Variants in TEKTIP1 observed in about 807,000 individuals in gnomAD.
TEKTIP1 encodes tektin bundle-interacting protein 1.
the TEKTIP1 span, chr19:3,539,392 C>T: frequency 1.4e-5 from 9 of 624,412 alleles, no homozygotes; most frequent in African/African-American, 7.3e-5. Context: ...ATGTGTGTGA[C>T]GTCCCCTCCA....
the TEKTIP1 span, chr19:3,541,840 G>C: frequency 4.2e-5 from 41 of 965,068 alleles, no homozygotes; most frequent in African/African-American, 6.9e-4. Flanking sequence ...ACAGAGTCTC[G>C]CTCTCTCACC....
At chr19:3,540,718 A>G in the TEKTIP1 span, among the ~76,000 whole-genome samples, 4 of 151,376 alleles carry the variant, frequency 2.6e-5, no homozygotes, top group African/African-American at 7.3e-5. Context: ...CGTCTCTACT[A>G]AAAATACAAA....
At chr19:3,542,311 G>A in the TEKTIP1 span, 4 of 985,404 alleles carry the variant, frequency 4.1e-6, no homozygotes, top group Non-Finnish European at 4.8e-6. Flanking sequence ...GATTTAAGCA[G>A]AGTTCCTGCC....
chr19:3,543,481 C>A, the TEKTIP1 span: 2 of 404,688 alleles, frequency 4.9e-6, no homozygotes, highest in Non-Finnish European at 3.3e-6. Context: ...CGGGTGAGTG[C>A]CCCCCCCCCC....
the TEKTIP1 span, chr19:3,543,839 G>A: frequency 1.3e-6 from 2 of 1,534,816 alleles, no homozygotes; most frequent in Non-Finnish European, 1.8e-6. Flanking sequence ...TGCTCAACAG[G>A]AACCGGTACG....
chr19:3,543,416 G>A, the TEKTIP1 span: 71 of 1,547,598 alleles, frequency 4.6e-5, no homozygotes, highest in Admixed American at 2.2e-4. Context: ...CCCCTTCCGC[G>A]AGGCCTACAA....
the TEKTIP1 span, chr19:3,541,667 G>A: frequency 3.0e-6 from 3 of 985,160 alleles, no homozygotes; most frequent in African/African-American, 5.2e-5. Flanking sequence ...GCAGTGAATG[G>A]GCTCCCGCAA....
the TEKTIP1 span, chr19:3,543,153 A>C: frequency 8.6e-6 from 13 of 1,514,438 alleles, no homozygotes; most frequent in Non-Finnish European, 1.1e-5. Context: ...CCTCTACATC[A>C]TCCACCCTGG....
the TEKTIP1 span, chr19:3,539,264 A>T: frequency 6.5e-7 from 1 of 1,542,230 alleles, no homozygotes; most frequent in Non-Finnish European, 8.8e-7. Flanking sequence ...TGTACAGGTG[A>T]GCCCCTCCCT....
At chr19:3,543,709 G>A in the TEKTIP1 span, 2 of 1,503,282 alleles carry the variant, frequency 1.3e-6, no homozygotes, top group Non-Finnish European at 1.8e-6. Flanking sequence ...TGGGTCCTTG[G>A]GAGGCCAGGG....
the TEKTIP1 span, chr19:3,539,281 G>GAGCCCCTCCC: frequency 8.6e-6 from 13 of 1,511,246 alleles, no homozygotes; most frequent in Middle Eastern, 1.7e-4. Flanking sequence ...CCCTACAGGT[G>GAGCCCCTCCC]AGCCCCTCCC....
chr19:3,543,194 T>C, the TEKTIP1 span: 6 of 1,530,996 alleles, frequency 3.9e-6, no homozygotes, highest in African/African-American at 8.2e-5. Context: ...AAGCACTCGC[T>C]GTAGACATGG....
the TEKTIP1 span, among the ~76,000 whole-genome samples, chr19:3,541,233 G>C: frequency 6.6e-6 from 1 of 151,742 alleles, no homozygotes; most frequent in Non-Finnish European, 1.5e-5. Flanking sequence ...CTACTTGGGA[G>C]GCTGAGGTAG....
the TEKTIP1 span, chr19:3,543,323 G>A: frequency 1.1e-5 from 17 of 1,549,148 alleles, no homozygotes; most frequent in South Asian, 6.0e-5. Context: ...GGGACGGGAC[G>A]CAGCCGGCCA....
the TEKTIP1 span, chr19:3,543,142 G>A: frequency 1.6e-5 from 24 of 1,511,966 alleles, no homozygotes; most frequent in East Asian, 2.0e-4. Context: ...CGTGGGCCAG[G>A]CCTCTACATC....
the TEKTIP1 span, among the ~76,000 whole-genome samples, chr19:3,540,693 A>T: frequency 6.7e-6 from 1 of 149,424 alleles, no homozygotes; most frequent in Non-Finnish European, 1.5e-5. Flanking sequence ...CAGCCTGACC[A>T]ACATGGTGAA....
chr19:3,542,558 C>G, the TEKTIP1 span: 2 of 838,510 alleles, frequency 2.4e-6, no homozygotes, highest in Non-Finnish European at 2.9e-6. Context: ...ACTGCAAACT[C>G]CACTTCCTGG....
At chr19:3,542,417 G>A in the TEKTIP1 span, 15 of 985,260 alleles carry the variant, frequency 1.5e-5, no homozygotes, top group African/African-American at 2.4e-4. Context: ...TTTCTGGGAT[G>A]ACTTCCTTGG....
the TEKTIP1 span, chr19:3,543,257 G>C: frequency 1.3e-6 from 2 of 1,546,384 alleles, no homozygotes; most frequent in Non-Finnish European, 8.7e-7. Flanking sequence ...GTCCCTGGAG[G>C]GTTCCCGCTG....
Sources: gnomAD v4.1 joint callset for allele counts (sites outside exome capture counted in the v4.1 genomes callset) on GRCh38, gnomAD v4.1.1 for gene constraint, MANE v1.5 for transcripts, NCBI Gene and HGNC (gene_info 2026-07-23, HGNC 2026-07-21) for gene names.